Variants in PTPRR observed in about 807,000 individuals in gnomAD.
PTPRR encodes protein tyrosine phosphatase receptor type R.
PTPRR carries 38 observed loss-of-function variants against 77.2 expected under a neutral mutation model. The observed-to-expected ratio is 0.49, with a 90% CI of 0.38 to 0.65. PTPRR has a LOEUF of 0.65. Among genes scored for constraint, PTPRR ranks in the 30% least tolerant of loss-of-function variants. The probability of loss-of-function intolerance (pLI) is 0.00; values close to 1 mark genes in which losing one functional copy is unlikely to be tolerated. For synonymous variants in PTPRR, 299 were observed against 283.1 expected, an observed-to-expected ratio of 1.06 and a Z score of -0.57; for missense variants, 744 against 799.2, an observed-to-expected ratio of 0.93 and a Z score of 0.83.
At chr12:70,721,571 C>A (rs1367740667) in intron 6 of PTPRR, among the ~76,000 whole-genome samples, 1 of 151,588 alleles carries the variant, frequency 6.6e-6, no homozygotes. Flanking sequence ...TTTGGGTTCA[C>A]CATCAGCTTT....
At chr12:70,853,128 T>C (rs1011171917) in intron 2 of PTPRR, among the ~76,000 whole-genome samples, 1 of 152,204 alleles carries the variant, frequency 6.6e-6, no homozygotes, top group African/African-American at 2.4e-5. Flanking sequence ...CAAAAGAGAT[T>C]ATCATTATAA....
Position 70,920,670 on chromosome 12 carries a change from G to A in PTPRR, c.-280C>T, listed in dbSNP as rs981476491. 2 of 363,112 alleles carry A rather than the reference G, an allele frequency of 5.5e-6. No homozygotes were observed. Among genetic ancestry groups the A allele is most frequent in the African/African-American group, 4.1e-5 (2 of 48,594 alleles). 22.5% of individuals were successfully genotyped at this position (363,112 alleles called of 1,614,324 possible). ...GGCCTTCTGGACGCCCAGAAGCCAA[G>A]GCGGAGACGGCAGGGTGGACTCCGC... is the stretch of plus-strand genomic sequence containing the variant. On this transcript the variant is annotated 5_prime_UTR_variant, in exon 1 of 14. Coordinates refer to ENST00000283228, the MANE Select transcript of PTPRR (RefSeq NM_002849.4).
intron 2 of PTPRR, among the ~76,000 whole-genome samples, chr12:70,818,625 T>G (rs921900370): frequency 1.3e-5 from 2 of 152,198 alleles, no homozygotes; most frequent in African/African-American, 4.8e-5. Flanking sequence ...GTGATTTAAG[T>G]CATGGTTGGC....
At chr12:70,862,199 A>G (rs1425646127) in intron 2 of PTPRR, among the ~76,000 whole-genome samples, 1 of 152,110 alleles carries the variant, frequency 6.6e-6, no homozygotes, top group Non-Finnish European at 1.5e-5. Flanking sequence ...CCACCAGGTT[A>G]AATTCCAGCT....
At chr12:70,695,824 C>T (rs1214195084) in intron 8 of PTPRR, among the ~76,000 whole-genome samples, 1 of 152,066 alleles carries the variant, frequency 6.6e-6, no homozygotes, top group African/African-American at 2.4e-5. Flanking sequence ...CATAAAATAA[C>T]CTTCAATGGT....
chr12:70,830,843 C>G (rs1892199546), intron 2 of PTPRR, among the ~76,000 whole-genome samples: 1 of 152,210 alleles, frequency 6.6e-6, no homozygotes, highest in African/African-American at 2.4e-5. Flanking sequence ...ATCAAAGCAG[C>G]TATGAAATAT....
intron 3 of PTPRR, among the ~76,000 whole-genome samples, chr12:70,763,139 T>C (rs933652553): frequency 6.6e-6 from 1 of 151,990 alleles, no homozygotes; most frequent in Admixed American, 6.6e-5. Context: ...TTTTTTTCTT[T>C]TTTTTTGAGA....
intron 2 of PTPRR, among the ~76,000 whole-genome samples, chr12:70,859,063 C>T (rs114583235): frequency 1.3e-5 from 2 of 151,864 alleles, no homozygotes; most frequent in Non-Finnish European, 2.9e-5. Context: ...GTTCTTCATA[C>T]CAGGACATCC....
At position 70,806,918 on chromosome 12, in the gene PTPRR, C is replaced by A. The variant is rs576326655; in HGVS notation, c.358-42140G>T. Among the ~76,000 whole-genome samples the A allele has an allele frequency of 2.0e-5, 3 of 152,266 alleles. No individual in the cohort carries two copies. The South Asian group carries it at 6.2e-4, about 32-fold the overall frequency. Reference sequence around the variant, plus strand: ...CCCCACAGAAATTCTCAAGTCCCTCCTTTTCTCTTGCCATTTCCCACAAGA... The same window carrying A: ...CCCCACAGAAATTCTCAAGTCCCTCATTTTCTCTTGCCATTTCCCACAAGA... On this transcript the variant is annotated intron_variant, in intron 2 of 13. Coordinates refer to ENST00000283228, the MANE Select transcript of PTPRR (RefSeq NM_002849.4).
chr12:70,764,605 T>A, intron 3 of PTPRR, 60 bp downstream of exon 3: 2 of 1,357,280 alleles, frequency 1.5e-6, no homozygotes, highest in Non-Finnish European at 2.1e-6. Context: ...AGCCCTTTAG[T>A]GATTAAAAAA....
intron 6 of PTPRR, among the ~76,000 whole-genome samples, chr12:70,714,669 T>C (rs1592698325): frequency 6.6e-6 from 1 of 152,214 alleles, no homozygotes; most frequent in South Asian, 2.1e-4. Context: ...CATGCAAATG[T>C]ATCTGTACGA....
At chr12:70,834,187 A>T (rs931035195) in intron 2 of PTPRR, among the ~76,000 whole-genome samples, 1 of 152,186 alleles carries the variant, frequency 6.6e-6, no homozygotes, top group African/African-American at 2.4e-5. Context: ...ATTTCTAGAG[A>T]TAAATCTATT....
chr12:70,833,847 C>T (rs985268036), intron 2 of PTPRR, among the ~76,000 whole-genome samples: 1 of 152,150 alleles, frequency 6.6e-6, no homozygotes, highest in African/African-American at 2.4e-5. Context: ...TTTTTCTGGG[C>T]TGCTCATTCC....
intron 2 of PTPRR, 136 bp from the exon 3 acceptor site, chr12:70,764,914 T>G (rs1207020468): frequency 3.1e-6 from 2 of 637,938 alleles, no homozygotes; most frequent in Non-Finnish European, 5.5e-6. Flanking sequence ...TCTGTGACTC[T>G]GCTAAGTTTA....
intron 1 of PTPRR, among the ~76,000 whole-genome samples, chr12:70,900,671 T>C (rs77617000): frequency 0.046 from 6,933 of 151,290 alleles, 551 homozygotes; most frequent in African/African-American, 0.16. Context: ...ACTCAAACAA[T>C]GTAATACCAA....
rs148966922 is a variant in PTPRR, at chr12:70,726,581, ATT to A, written c.1007+19235_1007+19236del. Among the ~76,000 whole-genome samples, 376 of 139,522 alleles carry A rather than the reference ATT, an allele frequency of 2.7e-3. 2 individuals carry two copies. The highest frequency in any genetic ancestry group is 0.013 in the East Asian group (61 of 4,624). 91.5% of individuals were successfully genotyped at this position (139,522 alleles called of 152,430 possible). ...ATCATCATGGGATAGTCTGCATTTA[ATT>A]TTTTTTTTTTTTTTTGAGACAGAGT... On this transcript the variant is annotated intron_variant, in intron 6 of 13. Coordinates refer to ENST00000283228, the MANE Select transcript of PTPRR (RefSeq NM_002849.4).
At chr12:70,791,376 C>T (rs555967105) in intron 2 of PTPRR, among the ~76,000 whole-genome samples, 5 of 152,312 alleles carry the variant, frequency 3.3e-5, no homozygotes, top group African/African-American at 1.2e-4. Context: ...GGCTAACTCC[C>T]TCCCTTCATT....
At position 70,839,126 on chromosome 12, in the gene PTPRR, G is replaced by A. The variant is rs574483298; in HGVS notation, c.357+53553C>T. ...TGTGAATGTTGTGATGCTGAACCAT[G>A]TGGAAAAGGGTTATTCCCTAAAACA... On this transcript the variant is annotated intron_variant, in intron 2 of 13. Coordinates refer to ENST00000283228, the MANE Select transcript of PTPRR (RefSeq NM_002849.4). 3.3e-5 allele frequency among the ~76,000 whole-genome samples: 5 copies of A among 152,088 alleles called. No individual in the cohort carries two copies. The South Asian group carries it at 1.0e-3, about 31-fold the overall frequency.
At chr12:70,860,516 A>G (rs971926376) in intron 2 of PTPRR, among the ~76,000 whole-genome samples, 2 of 152,140 alleles carry the variant, frequency 1.3e-5, no homozygotes, top group African/African-American at 4.8e-5. Context: ...ATTAGTATGA[A>G]ATAAACTTTT....
Sources: allele counts gnomAD v4.1 joint callset (sites outside exome capture counted in the v4.1 genomes callset), GRCh38; gene constraint gnomAD v4.1.1; transcripts MANE v1.5; gene names NCBI Gene and HGNC (gene_info 2026-07-23, HGNC 2026-07-21).